Variants in HS6ST2 observed in about 807,000 individuals in gnomAD.
The protein encoded by HS6ST2 is heparan sulfate 6-O-sulfotransferase 2, also known as heparan-sulfate 6-O-sulfotransferase 2.
A neutral mutation model predicts 33.0 loss-of-function variants in HS6ST2; 17 were observed. That is an observed-to-expected ratio of 0.52 (90% CI 0.35 to 0.77). HS6ST2 has a LOEUF of 0.77. Among genes scored for constraint, HS6ST2 ranks in the 30% least tolerant of loss-of-function variants. The pLI is 0.01. For synonymous variants in HS6ST2, 248 were observed against 237.1 expected (o/e 1.05, Z -0.42); for missense variants, 519 against 551.7 (o/e 0.94, Z 0.59).
intron 2 of HS6ST2, among the ~76,000 whole-genome samples, chrX:132,934,656 T>G (rs2066806469): frequency 9.0e-6 from 1 of 111,691 alleles, no homozygotes; most frequent in Non-Finnish European, 1.9e-5. Flanking sequence ...ATTAAAATGT[T>G]ACACTGGAAA....
chrX:132,717,114 G>A (rs768405014), intron 2 of HS6ST2, among the ~76,000 whole-genome samples: 2 of 113,067 alleles, frequency 1.8e-5, no homozygotes, highest in Non-Finnish European at 3.7e-5. Context: ...ATTCCACCAA[G>A]TCACTAAAAG....
intron 2 of HS6ST2, among the ~76,000 whole-genome samples, chrX:132,815,076 T>TA (rs1230499517): frequency 8.9e-6 from 1 of 112,102 alleles, no homozygotes; most frequent in African/African-American, 3.2e-5. Context: ...CTGAACTTCT[T>TA]AGGCATTTGA....
intron 2 of HS6ST2, among the ~76,000 whole-genome samples, chrX:132,859,700 TG>T (rs1451444455): frequency 1.5e-5 from 1 of 65,663 alleles, no homozygotes; most frequent in Non-Finnish European, 2.7e-5. Context: ...AAAGAAAGAA[TG>T]AAGAAAAGAA....
chrX:132,822,057 C>T (rs1384074508), intron 2 of HS6ST2, among the ~76,000 whole-genome samples: 8 of 111,757 alleles, frequency 7.2e-5, no homozygotes, highest in African/African-American at 2.6e-4. Context: ...ACAATACAAA[C>T]TCATTTAATC....
At chrX:132,924,191 A>G (rs993197600) in intron 2 of HS6ST2, among the ~76,000 whole-genome samples, 1 of 112,041 alleles carries the variant, frequency 8.9e-6, no homozygotes, top group Non-Finnish European at 1.9e-5. Context: ...TTTATGGGAC[A>G]CATCGAGACC....
At chrX:132,674,609 G>A (rs1298524343) in intron 3 of HS6ST2, among the ~76,000 whole-genome samples, 2 of 111,920 alleles carry the variant, frequency 1.8e-5, no homozygotes, top group African/African-American at 6.5e-5. Context: ...TTTGCCCAGA[G>A]AGTGACAGTC....
chrX:132,898,546 TA>T (rs984001439), intron 2 of HS6ST2, among the ~76,000 whole-genome samples: 2 of 108,280 alleles, frequency 1.8e-5, no homozygotes, highest in African/African-American at 6.7e-5. Context: ...ATTAAACAAC[TA>T]AAAAACTGGA....
chrX:132,787,352 G>A (rs183756860), intron 2 of HS6ST2, among the ~76,000 whole-genome samples: 1,493 of 95,890 alleles, frequency 0.016, 73 homozygotes, highest in African/African-American at 0.054. Context: ...GAGTGCAGTG[G>A]TGCGATCTCA....
At chrX:132,711,784 G>A (rs1426402869) in intron 2 of HS6ST2, among the ~76,000 whole-genome samples, 1 of 111,855 alleles carries the variant, frequency 8.9e-6, no homozygotes, top group African/African-American at 3.2e-5. Context: ...ACATAGAGTG[G>A]CAGATTCTTT....
intron 2 of HS6ST2, among the ~76,000 whole-genome samples, chrX:132,749,023 A>G (rs1219514878): frequency 9.0e-6 from 1 of 111,610 alleles, no homozygotes; most frequent in Non-Finnish European, 1.9e-5. Flanking sequence ...TGGCAAATGC[A>G]TGCATGCCAT....
At chrX:132,934,253 T>C (rs2066802859) in intron 2 of HS6ST2, among the ~76,000 whole-genome samples, 2 of 111,600 alleles carry the variant, frequency 1.8e-5, no homozygotes, top group Admixed American at 9.5e-5. Context: ...AAGGCTGTAC[T>C]GGAGTGAGGA....
At chrX:132,833,631 G>A (rs1394934434) in intron 2 of HS6ST2, among the ~76,000 whole-genome samples, 2 of 111,156 alleles carry the variant, frequency 1.8e-5, no homozygotes, top group African/African-American at 6.5e-5. Flanking sequence ...TCCCCACTTG[G>A]GGAAGTAAGC....
chrX:132,803,353 A>G (rs1305641525), intron 2 of HS6ST2, among the ~76,000 whole-genome samples: 1 of 111,602 alleles, frequency 9.0e-6, no homozygotes, highest in Non-Finnish European at 1.9e-5. Context: ...GAAGGGCCCT[A>G]TAGAAGTTGA....
At chrX:132,675,691 G>A (rs1310903083) in intron 3 of HS6ST2, among the ~76,000 whole-genome samples, 1 of 111,916 alleles carries the variant, frequency 8.9e-6, no homozygotes, top group Non-Finnish European at 1.9e-5. Context: ...CTTGGTGTAA[G>A]AAGGACACTC....
intron 4 of HS6ST2, among the ~76,000 whole-genome samples, 154 bp downstream of exon 4, chrX:132,668,959 C>T (rs2063833630): frequency 1.8e-5 from 2 of 111,598 alleles, no homozygotes; most frequent in South Asian, 7.7e-4. Flanking sequence ...ACATGCCTTG[C>T]TCGTTTCAAT....
chrX:132,667,087 C>G (rs2063815463), intron 4 of HS6ST2, among the ~76,000 whole-genome samples: 2 of 111,206 alleles, frequency 1.8e-5, no homozygotes, highest in Admixed American at 1.9e-4. Context: ...CATAGTCTCA[C>G]CATATGCACA....
intron 2 of HS6ST2, among the ~76,000 whole-genome samples, chrX:132,746,790 G>A (rs2064649169): frequency 8.9e-6 from 1 of 111,835 alleles, no homozygotes; most frequent in Non-Finnish European, 1.9e-5. Context: ...ACCAGGGATT[G>A]CACAGGTGGG....
At chrX:132,706,782 A>T in intron 3 of HS6ST2, among the ~76,000 whole-genome samples, 1 of 112,428 alleles carries the variant, frequency 8.9e-6, no homozygotes, top group South Asian at 3.7e-4. Flanking sequence ...ATTACCAAAA[A>T]TGTTATTTGT....
intron 2 of HS6ST2, among the ~76,000 whole-genome samples, chrX:132,790,369 A>C (rs1357353947): frequency 8.9e-6 from 1 of 111,900 alleles, no homozygotes; most frequent in Non-Finnish European, 1.9e-5. Flanking sequence ...TAGTCATCAT[A>C]ATGTTATTTC....
Sources: allele counts gnomAD v4.1 joint callset (sites outside exome capture counted in the v4.1 genomes callset), GRCh38; gene constraint gnomAD v4.1.1; transcripts MANE v1.5; gene names NCBI Gene and HGNC (gene_info 2026-07-23, HGNC 2026-07-21).